SCD5: variants seen among roughly 807,000 people sequenced by gnomAD.
The protein encoded by SCD5 is acyl-CoA-desaturase 4.
SCD5 carries 20 observed loss-of-function variants against 30.4 expected under a neutral mutation model. The observed-to-expected ratio is 0.66, with a 90% CI of 0.46 to 0.96. The LOEUF (loss-of-function observed/expected upper bound fraction) is 0.96. Ranked by LOEUF, SCD5 falls within the 40% of genes least tolerant of loss-of-function variation. The pLI, the probability that SCD5 is intolerant of heterozygous loss-of-function variation, is 0.00. For missense variants in SCD5, 381 were observed against 443.3 expected, an observed-to-expected ratio of 0.86 and a Z score of 1.26; for synonymous variants, 173 against 176.4, an observed-to-expected ratio of 0.98 and a Z score of 0.16.
intron 3 of SCD5, among the ~76,000 whole-genome samples, chr4:82,657,849 C>G (rs1041385154): frequency 6.6e-5 from 10 of 152,132 alleles, no homozygotes; most frequent in African/African-American, 2.4e-4. Context: ...GTATTTCATT[C>G]TCTTTGTAGC....
At chr4:82,775,266 T>C (rs538198232) in intron 1 of SCD5, among the ~76,000 whole-genome samples, 1 of 152,308 alleles carries the variant, frequency 6.6e-6, no homozygotes, top group African/African-American at 2.4e-5. Context: ...CACGCCCTGG[T>C]TGGGAGCTGC....
intron 1 of SCD5, among the ~76,000 whole-genome samples, chr4:82,721,575 T>C (rs1720370317): frequency 6.6e-6 from 1 of 152,196 alleles, no homozygotes; most frequent in Admixed American, 6.5e-5. Flanking sequence ...GTGTGATTGA[T>C]GTCCTCATAG....
At chr4:82,746,710 A>G (rs1050875712) in intron 1 of SCD5, among the ~76,000 whole-genome samples, 1 of 152,040 alleles carries the variant, frequency 6.6e-6, no homozygotes, top group African/African-American at 2.4e-5. Context: ...GAGTAAATGG[A>G]AAGAGTCAAT....
At chr4:82,686,019 T>G (rs1429623830) in intron 2 of SCD5, among the ~76,000 whole-genome samples, 1 of 151,884 alleles carries the variant, frequency 6.6e-6, no homozygotes, top group Non-Finnish European at 1.5e-5. Context: ...ACTTTTTTTT[T>G]TTTTGAGACA....
intron 3 of SCD5, chr4:82,660,425 C>T: frequency 1.2e-6 from 1 of 822,376 alleles, no homozygotes; most frequent in Non-Finnish European, 1.4e-6. Flanking sequence ...TCCTCTTAAT[C>T]ACTTTTGACT....
At chr4:82,649,182 T>G (rs7440863) in intron 3 of SCD5, among the ~76,000 whole-genome samples, 19 of 2,820 alleles carry the variant, frequency 6.7e-3, no homozygotes, top group African/African-American at 0.019. Flanking sequence ...GTGAGAGGGG[T>G]GTGTGTGTGT....
At chr4:82,771,345 C>A (rs536673073) in intron 1 of SCD5, among the ~76,000 whole-genome samples, 1 of 152,248 alleles carries the variant, frequency 6.6e-6, no homozygotes, top group South Asian at 2.1e-4. Flanking sequence ...GATCACCTCC[C>A]AAGCAAACTA....
At chr4:82,695,896 G>A (rs1358043687) in intron 2 of SCD5, among the ~76,000 whole-genome samples, 1 of 152,144 alleles carries the variant, frequency 6.6e-6, no homozygotes, top group East Asian at 1.9e-4. Context: ...AATTTCTGCA[G>A]CCCTAAAAGT....
At chr4:82,664,999 C>CTCTCTCTCTCTATATATA (rs1219554314) in intron 3 of SCD5, among the ~76,000 whole-genome samples, 28 of 70,454 alleles carry the variant, frequency 4.0e-4, no homozygotes, top group African/African-American at 4.5e-4. Flanking sequence ...CTCTCTCTCT[C>CTCTCTCTCTCTATATATA]TATATATATA....
At chr4:82,712,433 C>T (rs545564867) in intron 1 of SCD5, among the ~76,000 whole-genome samples, 46 of 148,826 alleles carry the variant, frequency 3.1e-4, no homozygotes, top group Non-Finnish European at 5.5e-4. Flanking sequence ...TTCTCTTGCC[C>T]CAGCCTCCTG....
In SCD5 at chr4:82,691,015, TTTG is replaced by T. The variant is rs529050451; in HGVS notation, c.364-10106_364-10104del. Among the ~76,000 whole-genome samples the T allele has an allele frequency of 0.011, 587 of 52,760 alleles. 27 individuals carry two copies. In the East Asian group the frequency reaches 0.14, roughly 12 times the overall value. 34.6% of individuals were successfully genotyped at this position (52,760 alleles called of 152,430 possible). A position where few individuals can be genotyped will look rare whatever the true frequency, so the allele number is the denominator to read the frequency against. On this transcript the variant is annotated intron_variant, in intron 2 of 4. Coordinates refer to ENST00000319540, the MANE Select transcript of SCD5 (RefSeq NM_001037582.3). ...ATAGGCAAGACCATTTGTTTTTTTG[TTTG>T]TTTGTTTTGTTTTGTTTTGTTTTTG...
At chr4:82,636,169 G>C (rs146324852) in intron 4 of SCD5, among the ~76,000 whole-genome samples, 122 of 152,070 alleles carry the variant, frequency 8.0e-4, no homozygotes, top group African/African-American at 2.9e-3. Context: ...ACTTGTCCAA[G>C]AGTCAGGATC....
At chr4:82,777,212 C>T (rs191826867) in intron 1 of SCD5, among the ~76,000 whole-genome samples, 3 of 152,264 alleles carry the variant, frequency 2.0e-5, no homozygotes, top group East Asian at 1.9e-4. Flanking sequence ...ACTGAGATGG[C>T]GAGAATCTAA....
chr4:82,650,707 A>T (rs1364145628), intron 3 of SCD5, among the ~76,000 whole-genome samples: 2 of 151,800 alleles, frequency 1.3e-5, no homozygotes, highest in East Asian at 3.9e-4. Context: ...AAAAAAAAAA[A>T]TTATTGAGAA....
At chr4:82,785,604 T>C (rs1218490759) in intron 1 of SCD5, among the ~76,000 whole-genome samples, 1 of 152,222 alleles carries the variant, frequency 6.6e-6, no homozygotes, top group Non-Finnish European at 1.5e-5. Context: ...TAAATTTCGA[T>C]TTGTTTTTCT....
chr4:82,753,041 G>A (rs1209834323), intron 1 of SCD5, among the ~76,000 whole-genome samples: 5 of 152,090 alleles, frequency 3.3e-5, no homozygotes, highest in African/African-American at 1.2e-4. Context: ...GTGTTCTGGG[G>A]ACCCACACCA....
rs759276056 is a variant in SCD5 at position 82,705,335 on chromosome 4, G to T, written c.311C>A (p.Ala104Asp). ...HRLWSHRSYR[A>D]KLPLRIFLAV... ...CAGAAATATCCTCAGAGGCAGCTTG[G>T]CCCGGTAGGACCTGTGGCTCCACAA... Residue 104 changes from alanine (A) to aspartate (D), a missense_variant, in exon 2 of 5, where the codon GCC becomes GAC. By Grantham distance (126) the Ala-to-Asp change is moderately radical (BLOSUM62 -2). Coordinates refer to ENST00000319540, the MANE Select transcript of SCD5 (RefSeq NM_001037582.3). The T allele has an allele frequency of 8.1e-6, 13 of 1,614,242 alleles. No individual in the cohort carries two copies. The South Asian group carries it at 1.4e-4, about 18-fold the overall frequency.
intron 1 of SCD5, among the ~76,000 whole-genome samples, chr4:82,782,078 G>T (rs11729295): frequency 4.7e-5 from 7 of 150,532 alleles, no homozygotes; most frequent in African/African-American, 1.7e-4. Flanking sequence ...CACTTACAAA[G>T]GACCCTCCTA....
intron 3 of SCD5, chr4:82,661,113 C>T: frequency 6.3e-7 from 1 of 1,597,502 alleles, no homozygotes; most frequent in Non-Finnish European, 8.6e-7. Context: ...GAGAGTTCCA[C>T]CCAGGTTTGT....
Sources: allele counts gnomAD v4.1 joint callset (sites outside exome capture counted in the v4.1 genomes callset), GRCh38; gene constraint gnomAD v4.1.1; transcripts MANE v1.5; gene names NCBI Gene and HGNC (gene_info 2026-07-23, HGNC 2026-07-21).